The following SLC22A23 variants were observed in gnomAD, a reference collection of about 807,000 sequenced individuals.
SLC22A23 encodes the protein solute carrier family 22 member 23.
SLC22A23 carries 26 observed loss-of-function variants against 61.0 expected under a neutral mutation model. The observed-to-expected ratio is 0.43, with a 90% CI of 0.31 to 0.59. SLC22A23 has a LOEUF of 0.59. Among genes scored for constraint, SLC22A23 ranks in the 20% least tolerant of loss-of-function variants. SLC22A23 has a pLI of 0.11. For synonymous variants in SLC22A23, 430 were observed against 413.9 expected, an observed-to-expected ratio of 1.04 and a Z score of -0.47; for missense variants, 796 against 934.7, an observed-to-expected ratio of 0.85 and a Z score of 1.94.
intron 3 of SLC22A23, among the ~76,000 whole-genome samples, chr6:3,378,727 G>A (rs576119589): frequency 1.4e-5 from 2 of 138,906 alleles, no homozygotes; most frequent in South Asian, 2.3e-4. Flanking sequence ...GCGTGATCTC[G>A]GCTCACTGCA....
At chr6:3,302,958 A>T (rs1169420967) in intron 4 of SLC22A23, 1 of 152,224 alleles carries the variant, frequency 6.6e-6, no homozygotes, top group East Asian at 1.9e-4. Flanking sequence ...CAAACTATTC[A>T]TCTGACAGGG....
intron 3 of SLC22A23, among the ~76,000 whole-genome samples, chr6:3,373,747 C>T (rs1341471532): frequency 6.6e-6 from 1 of 152,170 alleles, no homozygotes; most frequent in Non-Finnish European, 1.5e-5. Flanking sequence ...CAGTGTTGAC[C>T]AGGCACCAAT....
rs773420351 is a variant in SLC22A23, at chr6:3,273,197, G to A, written c.1919C>T (p.Pro640Leu). The change falls in exon 10 of 10, where the codon CCG becomes CTG. Residue 640 changes from proline (P) to leucine (L), a missense_variant. By Grantham distance (98) the Pro-to-Leu change is moderately conservative. Coordinates refer to ENST00000406686, the MANE Select transcript of SLC22A23 (RefSeq NM_015482.2). ...CTCCCCCTTCTTGTGCGGCAGCAGC[G>A]GCTGGCGCGTGTAGTGCTCCCCGTT... ...ISNGEHYTRQ[P>L]LLPHKKGEQP... The A allele has an allele frequency of 7.4e-6, 12 of 1,613,114 alleles. No homozygotes were observed. In the Admixed American group the frequency reaches 8.3e-5, roughly 11 times the overall value.
rs1769540105 is a variant in SLC22A23 at position 3,414,663 on chromosome 6, A to G, written c.758+1089T>C. On this transcript the variant is annotated intron_variant, in intron 2 of 9. Coordinates refer to ENST00000406686, the MANE Select transcript of SLC22A23 (RefSeq NM_015482.2). This position sits in a 1 kb window ranked among gnomAD's most constrained non-coding sequence, Gnocchi z 5.1. ...GTGCAGAGGTCACAGAACCTATAGAATTTGTTCCATATCACTCTGGGCCCT... is the reference window on the plus strand; with the variant it reads ...GTGCAGAGGTCACAGAACCTATAGAGTTTGTTCCATATCACTCTGGGCCCT... Among the ~76,000 whole-genome samples the G allele has an allele frequency of 7.3e-6, 1 of 137,500 alleles. No individual in the cohort carries two copies. Among genetic ancestry groups the G allele is most frequent in the Non-Finnish European group, 1.5e-5 (1 of 65,758 alleles). The allele number at this position is 137,500 out of a possible 152,430, so 90.2% of individuals were successfully genotyped here.
At chr6:3,352,035 A>C (rs1764799562) in intron 3 of SLC22A23, among the ~76,000 whole-genome samples, 1 of 152,288 alleles carries the variant, frequency 6.6e-6, no homozygotes, top group African/African-American at 2.4e-5. Flanking sequence ...AATGGGCGTC[A>C]AGGCGAAAGC....
At chr6:3,315,362 C>T (rs947169551) in intron 4 of SLC22A23, among the ~76,000 whole-genome samples, 24 of 152,220 alleles carry the variant, frequency 1.6e-4, no homozygotes, top group African/African-American at 4.8e-4. Flanking sequence ...CGTGTCCCCA[C>T]AGCACAGAGG....
At chr6:3,332,886 G>A (rs561497160) in intron 3 of SLC22A23, among the ~76,000 whole-genome samples, 1 of 152,060 alleles carries the variant, frequency 6.6e-6, no homozygotes, top group South Asian at 2.1e-4. Context: ...TGAAGAAACC[G>A]CTGGTTTTAT....
intron 3 of SLC22A23, among the ~76,000 whole-genome samples, chr6:3,346,865 A>G (rs537581976): frequency 1.3e-5 from 2 of 152,322 alleles, no homozygotes; most frequent in South Asian, 4.2e-4. Flanking sequence ...GGGCACACAT[A>G]TAACACAGAG....
rs1239085847 is a variant in SLC22A23 at position 3,270,847 on chromosome 6, AAAG to A, written c.*2205_*2207del. 1 of 152,066 alleles carries A rather than the reference AAAG, an allele frequency of 6.6e-6. No individual in the cohort carries two copies. Among genetic ancestry groups the A allele is most frequent in the African/African-American group, 2.4e-5 (1 of 41,426 alleles). The allele number at this position is 152,066 out of a possible 1,614,324, so 9.4% of individuals were successfully genotyped here. On this transcript the variant is annotated 3_prime_UTR_variant, in exon 10 of 10. Transcript: ENST00000406686. ...CAGCTTCAATTTCCAAAAAAAAAAA[AAAG>A]TTTACACGACCAGTGAGACTGCTCG...
chr6:3,302,003 G>C (rs1217862594), intron 4 of SLC22A23, among the ~76,000 whole-genome samples: 1 of 152,120 alleles, frequency 6.6e-6, no homozygotes, highest in Non-Finnish European at 1.5e-5. Flanking sequence ...GGAATAGTTT[G>C]AAAAAAGTTG....
At chr6:3,447,266 C>T (rs1176989941) in intron 1 of SLC22A23, among the ~76,000 whole-genome samples, 2 of 152,184 alleles carry the variant, frequency 1.3e-5, no homozygotes, top group South Asian at 2.1e-4. Context: ...TCTTTTGCCT[C>T]TCTCTCTACC....
At chr6:3,367,182 A>G (rs1267870813) in intron 3 of SLC22A23, among the ~76,000 whole-genome samples, 1 of 152,252 alleles carries the variant, frequency 6.6e-6, no homozygotes, top group African/African-American at 2.4e-5. Context: ...CCCTGAGGTT[A>G]TAACTGCATT....
At chr6:3,403,097 C>T (rs983256057) in intron 3 of SLC22A23, among the ~76,000 whole-genome samples, 1 of 152,036 alleles carries the variant, frequency 6.6e-6, no homozygotes, top group Non-Finnish European at 1.5e-5. Flanking sequence ...TTTTCAATAA[C>T]AGCAAGTCTT....
chr6:3,439,378 A>T, intron 1 of SLC22A23: 1 of 444,622 alleles, frequency 2.2e-6, no homozygotes, highest in Non-Finnish European at 4.5e-6. Context: ...CCCCAGGGTG[A>T]CTCTAAGTGC....
At chr6:3,355,605 T>C (rs1262416110) in intron 3 of SLC22A23, among the ~76,000 whole-genome samples, 1 of 152,156 alleles carries the variant, frequency 6.6e-6, no homozygotes, top group Admixed American at 6.5e-5. Flanking sequence ...CTGGGCTAGG[T>C]CTGGGCCCTC....
At chr6:3,334,712 G>A (rs777849900) in intron 3 of SLC22A23, among the ~76,000 whole-genome samples, 3 of 152,236 alleles carry the variant, frequency 2.0e-5, no homozygotes, top group Non-Finnish European at 4.4e-5. Flanking sequence ...GGCGGAGCCT[G>A]TGGCACATCG....
rs1758607523 is a variant in SLC22A23, at chr6:3,273,404, C to G, written c.1712G>C (p.Gly571Ala). ...EITPTVIRCG[G>A]LGLVLASAGF... is the part of the protein sequence containing the mutation. ...CGCGCTGGCCAGCACCAGCCCCAGC[C>G]CGCCACACCTGCAGGGGGAGGGAAG... Residue 571 changes from glycine to alanine, a missense_variant, in exon 10 of 10, where the codon GGG becomes GCG. Transcript: ENST00000406686. 3.1e-6 allele frequency: 5 copies of G among 1,612,452 alleles called. No individual in the cohort carries two copies. The African/African-American group carries it at 6.7e-5, about 22-fold the overall frequency.
chr6:3,447,428 A>G (rs1771948230), intron 1 of SLC22A23, among the ~76,000 whole-genome samples: 1 of 152,152 alleles, frequency 6.6e-6, no homozygotes, highest in South Asian at 2.1e-4. Flanking sequence ...TTATTACTTG[A>G]TCAGTTTGGG....
intron 4 of SLC22A23, among the ~76,000 whole-genome samples, chr6:3,307,390 T>TCC (rs1762055681): frequency 2.0e-5 from 3 of 152,086 alleles, no homozygotes; most frequent in African/African-American, 7.2e-5. Flanking sequence ...TCAGGATGGT[T>TCC]AGAAGGTCCA....
Sources: gnomAD v4.1 joint callset for allele counts (sites outside exome capture counted in the v4.1 genomes callset) on GRCh38, gnomAD v4.1.1 for gene constraint, Gnocchi (gnomAD v3.1) non-coding constraint, MANE v1.5 for transcripts, NCBI Gene and HGNC (gene_info 2026-07-23, HGNC 2026-07-21) for gene names.